PEX5L: variants seen among roughly 807,000 people sequenced by gnomAD.
The protein encoded by PEX5L is peroxisomal biogenesis factor 5 like.
PEX5L carries 30 observed loss-of-function variants against 84.0 expected under a neutral mutation model. The observed-to-expected ratio is 0.36, with a 90% confidence interval of 0.27 to 0.48. The LOEUF (loss-of-function observed/expected upper bound fraction) is 0.48, where lower values mean the gene tolerates loss of function less well. Among genes scored for constraint, PEX5L ranks in the 20% least tolerant of loss-of-function variants. The pLI, the probability that PEX5L is intolerant of heterozygous loss-of-function variation, is 0.99. For synonymous variants in PEX5L, 270 were observed against 283.1 expected (o/e 0.95, Z 0.46); for missense variants, 533 against 754.6 (o/e 0.71, Z 3.44).
chr3:179,888,968 G>C (rs954263819), intron 3 of PEX5L, among the ~76,000 whole-genome samples: 1 of 151,862 alleles, frequency 6.6e-6, no homozygotes, highest in African/African-American at 2.4e-5. Flanking sequence ...ATAGAGACAA[G>C]GTCCCACCAT....
rs1294906836 is a variant in PEX5L at position 179,799,655 on chromosome 3, A to G, written c.*2173T>C. The stretch of plus-strand genomic sequence containing the variant: ...TCAGAGGCTATTCAATCCTTTGTCC[A>G]TGAACTATTCATGCCGACTTTCTGG... On this transcript the variant is annotated 3_prime_UTR_variant, in exon 15 of 15. Coordinates refer to ENST00000467460, the MANE Select transcript of PEX5L (RefSeq NM_016559.3). The G allele has an allele frequency of 6.6e-6, 1 of 152,246 alleles. No individual in the cohort carries two copies. Among genetic ancestry groups the G allele is most frequent in the Non-Finnish European group, 1.5e-5 (1 of 68,062 alleles). The allele number at this position is 152,246 out of a possible 1,614,324, so 9.4% of individuals were successfully genotyped here. A position where few individuals can be genotyped will look rare whatever the true frequency, so the allele number is the denominator to read the frequency against.
intron 12 of PEX5L, among the ~76,000 whole-genome samples, chr3:179,808,934 C>T (rs568724931): frequency 2.0e-5 from 3 of 151,568 alleles, no homozygotes; most frequent in Non-Finnish European, 4.4e-5. Context: ...ATTAGCCGGG[C>T]GTGTTGGCGG....
chr3:179,879,485 C>T (rs1332064016), intron 5 of PEX5L, among the ~76,000 whole-genome samples: 1 of 152,178 alleles, frequency 6.6e-6, no homozygotes, highest in Non-Finnish European at 1.5e-5. Flanking sequence ...AACCCACCAT[C>T]AAATGGTAGC....
intron 1 of PEX5L, among the ~76,000 whole-genome samples, chr3:180,011,647 T>C (rs1789499877): frequency 6.6e-6 from 1 of 152,184 alleles, no homozygotes; most frequent in Admixed American, 6.5e-5. Flanking sequence ...TAAAATAGAA[T>C]CTTTAATTTT....
At chr3:179,922,496 T>C (rs1200173708) in intron 2 of PEX5L, among the ~76,000 whole-genome samples, 4 of 151,098 alleles carry the variant, frequency 2.6e-5, no homozygotes, top group African/African-American at 9.7e-5. Flanking sequence ...TTGCCCAGGC[T>C]GGAGTGCAGT....
Position 179,859,081 on chromosome 3 carries a change from C to T in PEX5L, c.803G>A (p.Arg268Lys), listed in dbSNP as rs1745068839. The change falls in exon 8 of 15, where the codon AGG (arginine) becomes AAG (lysine). Residue 268 changes from arginine (R) to lysine (K), a missense_variant. Physicochemically the swap from Arg to Lys is conservative, Grantham distance 26 (BLOSUM62 2). Transcript: ENST00000467460. ...AGTTACCTCCACTGCTGCTTTTGCC[C>T]TTTCAAACTCTTCTTCTAAGGAGTG... ...RNHSLEEEFERAKAAVESDTE... is the reference protein window; with the variant it reads ...RNHSLEEEFEKAKAAVESDTE... The T allele has an allele frequency of 6.2e-7, 1 of 1,613,320 alleles. No individual in the cohort carries two copies. Among genetic ancestry groups the T allele is most frequent in the African/African-American group, 1.3e-5 (1 of 74,906 alleles).
At chr3:179,834,430 ACATC>A (rs1734238928) in intron 8 of PEX5L, among the ~76,000 whole-genome samples, 2 of 152,186 alleles carry the variant, frequency 1.3e-5, no homozygotes, top group African/African-American at 4.8e-5. Flanking sequence ...CTTGTGGTAA[ACATC>A]CATCAAGCCC....
rs965408364 is a variant in PEX5L, at chr3:180,029,845, C to T, written c.21+6734G>A. ...ATCTCATGTGTACATAATCCCCTGC[C>T]GAATCAAATGTTATATCCCTACATG... is the stretch of plus-strand genomic sequence containing the variant. On this transcript the variant is annotated intron_variant, in intron 1 of 14. Coordinates refer to ENST00000467460, the MANE Select transcript of PEX5L (RefSeq NM_016559.3). Among the ~76,000 whole-genome samples the T allele has an allele frequency of 7.5e-5, 11 of 147,074 alleles. No individual in the cohort carries two copies. In the South Asian group the frequency reaches 8.4e-4, roughly 11 times the overall value.
intron 5 of PEX5L, among the ~76,000 whole-genome samples, chr3:179,879,013 A>C (rs1187354750): frequency 6.6e-6 from 1 of 152,220 alleles, no homozygotes; most frequent in Non-Finnish European, 1.5e-5. Context: ...TGTACATATC[A>C]TAATAATAAG....
intron 2 of PEX5L, among the ~76,000 whole-genome samples, chr3:179,945,685 C>G (rs1460109561): frequency 6.6e-6 from 1 of 152,196 alleles, no homozygotes; most frequent in African/African-American, 2.4e-5. Context: ...TGGGAAGACA[C>G]CTTTCCTTGG....
At chr3:179,885,723 A>C (rs924497775) in intron 4 of PEX5L, among the ~76,000 whole-genome samples, 1 of 152,108 alleles carries the variant, frequency 6.6e-6, no homozygotes, top group Non-Finnish European at 1.5e-5. Context: ...ACATGCAGAG[A>C]AAACACCACA....
chr3:179,818,639 A>C (rs1727170525), intron 9 of PEX5L, among the ~76,000 whole-genome samples: 1 of 143,358 alleles, frequency 7.0e-6, no homozygotes. Flanking sequence ...CCATCATTCT[A>C]CCCTCCATTC....
chr3:179,952,476 A>G (rs1479485782), intron 2 of PEX5L, among the ~76,000 whole-genome samples: 1 of 152,180 alleles, frequency 6.6e-6, no homozygotes, highest in African/African-American at 2.4e-5. Context: ...GATAGTTAAC[A>G]ATTTGTAAGT....
intron 8 of PEX5L, among the ~76,000 whole-genome samples, chr3:179,829,223 C>T (rs1304359044): frequency 2.0e-5 from 3 of 152,116 alleles, no homozygotes; most frequent in Admixed American, 6.6e-5. Flanking sequence ...TTGCTTTTCT[C>T]TGGACTGTTT....
rs1253746268 is a variant in PEX5L, at chr3:179,797,600, AAAAAAATATAT to A, written c.*4217_*4227del. The A allele has an allele frequency of 2.5e-4, 28 of 109,860 alleles. No individual in the cohort carries two copies. Among genetic ancestry groups the A allele is most frequent in the African/African-American group, 1.1e-3 (28 of 25,974 alleles). 6.8% of individuals were successfully genotyped at this position (109,860 alleles called of 1,614,324 possible). On this transcript the variant is annotated 3_prime_UTR_variant, in exon 15 of 15. Transcript: ENST00000467460. ...CTATGAACACTCTTTAAAAAAAAAA[AAAAAAATATAT>A]ATATATATATATATATATATCTACT...
chr3:179,882,224 T>C (rs1754374063), intron 4 of PEX5L, among the ~76,000 whole-genome samples: 1 of 152,240 alleles, frequency 6.6e-6, no homozygotes, highest in Admixed American at 6.5e-5. Context: ...TATAAAATTG[T>C]CTACTTGAAC....
chr3:179,832,615 C>T (rs1160137452), intron 8 of PEX5L, among the ~76,000 whole-genome samples: 1 of 151,584 alleles, frequency 6.6e-6, no homozygotes, highest in Non-Finnish European at 1.5e-5. Context: ...TACCCACCTA[C>T]CCACCAACCT....
intron 14 of PEX5L, among the ~76,000 whole-genome samples, chr3:179,804,599 C>T (rs1720455440): frequency 6.6e-6 from 1 of 152,104 alleles, no homozygotes; most frequent in Non-Finnish European, 1.5e-5. Context: ...GTAGTGTTTG[C>T]CTTTGACTCT....
intron 8 of PEX5L, among the ~76,000 whole-genome samples, chr3:179,847,061 G>A (rs1326499596): frequency 9.2e-6 from 1 of 108,250 alleles, no homozygotes; most frequent in East Asian, 2.1e-4. Flanking sequence ...CTTTCTCCAT[G>A]TGTGTGTGTG....
Sources: allele counts gnomAD v4.1 joint callset (sites outside exome capture counted in the v4.1 genomes callset), GRCh38; gene constraint gnomAD v4.1.1; transcripts MANE v1.5; gene names NCBI Gene and HGNC (gene_info 2026-07-23, HGNC 2026-07-21).